The following DAB2IP variants were observed in gnomAD, a reference collection of about 807,000 sequenced individuals.
The protein encoded by DAB2IP is disabled homolog 2-interacting protein.
In DAB2IP, 28 loss-of-function variants were observed where a neutral mutation model predicts 107.2. That is an observed-to-expected ratio of 0.26 (90% CI 0.19 to 0.36). DAB2IP has a LOEUF of 0.36. Ranked by LOEUF, DAB2IP falls within the 10% of genes least tolerant of loss-of-function variation. DAB2IP has a pLI of 1.00. For missense variants in DAB2IP, 1,400 were observed against 1,644.7 expected (o/e 0.85, Z 2.57); for synonymous variants, 755 against 706.4 (o/e 1.07, Z -1.09).
chr9:121,659,742 C>T (rs908416363), intron 1 of DAB2IP, among the ~76,000 whole-genome samples: 11 of 151,820 alleles, frequency 7.2e-5, no homozygotes, highest in African/African-American at 9.7e-5. Flanking sequence ...TGCAGTGAGC[C>T]GAGATCGCGC....
At chr9:121,652,082 G>C (rs1055495192) in intron 1 of DAB2IP, among the ~76,000 whole-genome samples, 183 bp downstream of exon 1, 1 of 152,146 alleles carries the variant, frequency 6.6e-6, no homozygotes, top group East Asian at 1.9e-4. Context: ...TCCTCTCGCC[G>C]GGGGAAGCCG....
At chr9:121,659,210 TC>T (rs1402835369) in intron 1 of DAB2IP, among the ~76,000 whole-genome samples, 2 of 152,172 alleles carry the variant, frequency 1.3e-5, no homozygotes, top group Non-Finnish European at 2.9e-5. Flanking sequence ...CTTCCTACTG[TC>T]CTGCTTGGCA....
chr9:121,590,691 A>G (rs1274936465), intron 1 of DAB2IP, among the ~76,000 whole-genome samples: 1 of 152,178 alleles, frequency 6.6e-6, no homozygotes, highest in Non-Finnish European at 1.5e-5. Flanking sequence ...GGCAACAAAC[A>G]GTATCCAACA....
At chr9:121,583,888 A>G (rs1312804364) in intron 1 of DAB2IP, among the ~76,000 whole-genome samples, 1 of 152,178 alleles carries the variant, frequency 6.6e-6, no homozygotes, top group East Asian at 1.9e-4. Flanking sequence ...AATAGAATAC[A>G]AACATTGACG....
At chr9:121,592,721 C>T (rs980902707) in intron 1 of DAB2IP, among the ~76,000 whole-genome samples, 1 of 152,228 alleles carries the variant, frequency 6.6e-6, no homozygotes, top group Non-Finnish European at 1.5e-5. Flanking sequence ...GACAAGTGGA[C>T]ATACGTGGAT....
Position 121,686,009 on chromosome 9 carries a change from A to T in DAB2IP, c.228+7228A>T, listed in dbSNP as rs117360242. Among the ~76,000 whole-genome samples, 233 of 152,242 alleles carry T rather than the reference A, an allele frequency of 1.5e-3. 2 individuals are homozygous for T. The East Asian group carries it at 0.043, about 28-fold the overall frequency. On this transcript the variant is annotated intron_variant, in intron 2 of 15. Coordinates refer to ENST00000408936, the Ensembl canonical transcript of DAB2IP. ...AGGAGTATGAGGTCCTCAGCAAGGGAGGTGAGGTGGGCCAGAGTAGGCCAG... is the reference window on the plus strand; with the variant it reads ...AGGAGTATGAGGTCCTCAGCAAGGGTGGTGAGGTGGGCCAGAGTAGGCCAG...
chr9:121,604,963 G>A (rs1830818364), intron 1 of DAB2IP, among the ~76,000 whole-genome samples: 1 of 152,244 alleles, frequency 6.6e-6, no homozygotes, highest in African/African-American at 2.4e-5. Context: ...AGGGACAGAA[G>A]AGAGATGCCT....
At chr9:121,616,991 G>T (rs10985335) in intron 1 of DAB2IP, among the ~76,000 whole-genome samples, 91,161 of 151,898 alleles carry the variant, frequency 0.6, 28,766 homozygotes, top group East Asian at 0.95. Context: ...TGGACCTCAG[G>T]GTGAGGGGCC....
At chr9:121,681,467 G>A (rs1828600474) in intron 2 of DAB2IP, among the ~76,000 whole-genome samples, 1 of 152,132 alleles carries the variant, frequency 6.6e-6, no homozygotes. Flanking sequence ...GGAACCTCGA[G>A]CTGCCTGGGA....
chr9:121,781,625 A>G lies in DAB2IP; in HGVS notation c.3402+74A>G, dbSNP rs538023782. ...ATTAGGAGGGGTGACTAGCCTCTCC[A>G]TCCTCAGTCATACCTCACTGCAGAC... On this transcript the variant is annotated intron_variant, in intron 15 of 15. Coordinates refer to ENST00000408936, the Ensembl canonical transcript of DAB2IP. The G allele has an allele frequency of 5.6e-6, 8 of 1,417,942 alleles. No homozygotes were observed. In the African/African-American group the frequency reaches 7.1e-5, roughly 13 times the overall value. 87.8% of individuals were successfully genotyped at this position (1,417,942 alleles called of 1,614,324 possible).
rs1298304818 is a variant in DAB2IP, at chr9:121,760,788, C to T, written c.1170+349C>T. Among the ~76,000 whole-genome samples the T allele has an allele frequency of 6.6e-6, 1 of 152,154 alleles. No homozygotes were observed. The highest frequency in any genetic ancestry group is 1.5e-5 in the Non-Finnish European group (1 of 68,026). On this transcript the variant is annotated intron_variant, in intron 6 of 15. Transcript: ENST00000408936. The surrounding 1 kb of genome is among the most constrained non-coding windows in gnomAD (Gnocchi z 5.9). Reference sequence around the variant, plus strand: ...GCCACGGCTCTCCCAGCACACAGGTCCCACAACGCCACCAGCCGCAGTGAG... The same window carrying T: ...GCCACGGCTCTCCCAGCACACAGGTTCCACAACGCCACCAGCCGCAGTGAG...
intron 1 of DAB2IP, among the ~76,000 whole-genome samples, chr9:121,590,392 A>T (rs907689555): frequency 4.6e-5 from 7 of 151,612 alleles, no homozygotes; most frequent in Non-Finnish European, 7.4e-5. Context: ...TTTCACTTCC[A>T]TCATCAGGTA....
chr9:121,670,685 T>C (rs1409458753), intron 1 of DAB2IP, among the ~76,000 whole-genome samples: 1 of 152,228 alleles, frequency 6.6e-6, no homozygotes, highest in African/African-American at 2.4e-5. Context: ...CACATTTCTC[T>C]GACTCACCTT....
chr9:121,652,042 C>T (rs1832764493), intron 1 of DAB2IP, 143 bp downstream of exon 1: 1 of 702,502 alleles, frequency 1.4e-6, no homozygotes, highest in African/African-American at 1.9e-5. Flanking sequence ...GTCTGCCGGA[C>T]CCCCCATTCC....
rs1331207907 is a variant in DAB2IP at position 121,702,640 on chromosome 9, A to G, written c.362+3182A>G. Among the ~76,000 whole-genome samples, 1 of 152,158 alleles carries G rather than the reference A, an allele frequency of 6.6e-6. No homozygotes were observed. Among genetic ancestry groups the G allele is most frequent in the Non-Finnish European group, 1.5e-5 (1 of 68,030 alleles). ...CGGCAAAAGCATTTTCATTTTGCAC[A>G]CTGGAAATGCTGCTGCTTCATTTAC... On this transcript the variant is annotated intron_variant, in intron 3 of 15. Coordinates refer to ENST00000408936, the Ensembl canonical transcript of DAB2IP. This position sits in a 1 kb window ranked among gnomAD's most constrained non-coding sequence, Gnocchi z 4.5.
intron 1 of DAB2IP, among the ~76,000 whole-genome samples, chr9:121,594,235 ATTT>A (rs772152487): frequency 3.8e-5 from 5 of 131,134 alleles, no homozygotes; most frequent in African/African-American, 5.7e-5. Flanking sequence ...TGAATGCAGC[ATTT>A]TTTTTTTTTT....
At chr9:121,592,841 GAC>G (rs1005592614) in intron 1 of DAB2IP, among the ~76,000 whole-genome samples, 1 of 152,164 alleles carries the variant, frequency 6.6e-6, no homozygotes, top group Admixed American at 6.5e-5. Flanking sequence ...ACAAGGAAAA[GAC>G]GGGTCCAGAT....
chr9:121,748,228 A>G (rs1207552861), intron 3 of DAB2IP, among the ~76,000 whole-genome samples: 2 of 152,226 alleles, frequency 1.3e-5, no homozygotes, highest in Non-Finnish European at 2.9e-5. Context: ...AAACTCGTTC[A>G]GGGTCTGTGA....
At chr9:121,735,927 G>A (rs542985941) in intron 3 of DAB2IP, among the ~76,000 whole-genome samples, 3 of 152,274 alleles carry the variant, frequency 2.0e-5, no homozygotes, top group African/African-American at 7.2e-5. Context: ...GGGCGCAATC[G>A]GGAACCTGGG....
Sources: allele counts gnomAD v4.1 joint callset (sites outside exome capture counted in the v4.1 genomes callset), GRCh38; gene constraint gnomAD v4.1.1; non-coding constraint Gnocchi (gnomAD v3.1); transcripts MANE v1.5; gene names NCBI Gene and HGNC (gene_info 2026-07-23, HGNC 2026-07-21).